The following BCO1 variants were observed in gnomAD, a reference collection of about 807,000 sequenced individuals.
The protein encoded by BCO1 is beta-carotene oxygenase 1.
BCO1 carries 54 observed loss-of-function variants against 56.3 expected under a neutral mutation model. The ratio of observed to expected loss-of-function variants is 0.96; its 90% CI spans 0.77 to 1.20. BCO1 has a LOEUF of 1.20. Ranked by LOEUF, BCO1 falls within the 50% of genes most tolerant of loss-of-function variation. The pLI, the probability that BCO1 is intolerant of heterozygous loss-of-function variation, is 0.00. For synonymous variants in BCO1, 318 were observed against 266.1 expected (o/e 1.20, Z -1.90); for missense variants, 801 against 690.9 (o/e 1.16, Z -1.79).
intron 8 of BCO1, among the ~76,000 whole-genome samples, chr16:81,282,687 C>G (rs1907952818): frequency 6.6e-6 from 1 of 150,662 alleles, no homozygotes; most frequent in Non-Finnish European, 1.5e-5. Flanking sequence ...TTTTTTTTTC[C>G]TGAGAAGACC....
intron 6 of BCO1, 133 bp downstream of exon 6, chr16:81,268,264 C>T (rs1342627999): frequency 1.2e-6 from 1 of 835,012 alleles, no homozygotes; most frequent in Admixed American, 2.0e-5. Flanking sequence ...ATCTACCCAC[C>T]TTCCAGCAAG....
intron 8 of BCO1, 150 bp from the exon 9 acceptor site, chr16:81,285,390 C>G (rs1318593392): frequency 1.5e-6 from 1 of 674,468 alleles, no homozygotes; most frequent in East Asian, 2.8e-5. Flanking sequence ...TGCCTTTGAC[C>G]ACCTTTGATC....
chr16:81,262,493 G>A, intron 4 of BCO1: 2 of 596,176 alleles, frequency 3.4e-6, no homozygotes, highest in South Asian at 1.8e-5. Context: ...TCAGTTTCCT[G>A]GGGCTGATGT....
At chr16:81,286,579 G>T (rs941401284) in intron 9 of BCO1, among the ~76,000 whole-genome samples, 1 of 152,154 alleles carries the variant, frequency 6.6e-6, no homozygotes, top group East Asian at 1.9e-4. Flanking sequence ...TTTTAGGCAG[G>T]GTGTGGTGGC....
At chr16:81,264,121 G>A (rs1328424697) in intron 4 of BCO1, 1 of 180,710 alleles carries the variant, frequency 5.5e-6, no homozygotes, top group Non-Finnish European at 1.2e-5. Flanking sequence ...AAATGTTTTT[G>A]TAACCTCTCC....
At chr16:81,272,000 G>A (rs551673350) in intron 7 of BCO1, among the ~76,000 whole-genome samples, 4 of 152,102 alleles carry the variant, frequency 2.6e-5, no homozygotes, top group Non-Finnish European at 5.9e-5. Context: ...GCCCCCCTAC[G>A]TCTCCCAAAG....
chr16:81,272,386 G>A (rs1300458915), intron 7 of BCO1, among the ~76,000 whole-genome samples: 1 of 152,092 alleles, frequency 6.6e-6, no homozygotes, highest in Non-Finnish European at 1.5e-5. Context: ...CCAAAGTGCT[G>A]GGATTACAGG....
chr16:81,262,175 C>A lies in BCO1; in HGVS notation c.363C>A (p.Thr121=), dbSNP rs35683292. Residue 121 remains threonine (T), a synonymous_variant, in exon 4 of 11, where the codon ACC becomes ACA. Coordinates refer to ENST00000258168, the MANE Select transcript of BCO1 (RefSeq NM_017429.3). ...TGTCTCACACCATCCCCGATTTCAC[C>A]GACAACTGCCTGATCAACATCATGA... The part of the protein sequence containing the change: ...SYLSHTIPDF[T]DNCLINIMKC... 81,342 of 1,613,826 alleles carry A rather than the reference C, an allele frequency of 0.05. 2,423 individuals carry two copies. Among genetic ancestry groups the A allele is most frequent in the Non-Finnish European group, 0.061 (71,427 of 1,179,832 alleles).
chr16:81,247,607 G>A (rs992448523), intron 2 of BCO1, among the ~76,000 whole-genome samples: 1 of 151,882 alleles, frequency 6.6e-6, no homozygotes, highest in Non-Finnish European at 1.5e-5. Context: ...GCTCACCACA[G>A]CCTCCACTTC....
intron 2 of BCO1, among the ~76,000 whole-genome samples, chr16:81,257,223 G>A (rs572683448): frequency 6.6e-6 from 1 of 152,186 alleles, no homozygotes; most frequent in South Asian, 2.1e-4. Context: ...CCTGCCCCAG[G>A]AGGAATCCAT....
intron 5 of BCO1, among the ~76,000 whole-genome samples, chr16:81,267,287 C>T (rs1906886626): frequency 6.6e-6 from 1 of 152,156 alleles, no homozygotes; most frequent in Non-Finnish European, 1.5e-5. Flanking sequence ...GGCCATTCTA[C>T]AGCCCCGCTT....
rs746352143 is a variant in BCO1 at position 81,264,589 on chromosome 16, A to G, written c.472-51A>G. ...AAAACCAGATGATGTCATATCTTGC[A>G]GGTTGATTATCGTAAATACTTTAAA... On this transcript the variant is annotated intron_variant, in intron 4 of 10. Transcript: ENST00000258168. The G allele has an allele frequency of 3.8e-6, 6 of 1,595,166 alleles. No individual in the cohort carries two copies. In the East Asian group the frequency reaches 1.3e-4, roughly 36 times the overall value.
chr16:81,255,784 A>T (rs1412775036), intron 2 of BCO1, among the ~76,000 whole-genome samples: 1 of 149,594 alleles, frequency 6.7e-6, no homozygotes, highest in Non-Finnish European at 1.5e-5. Context: ...GGATTATAGG[A>T]GTGAGCCACC....
rs1480840828 is a variant in BCO1 at position 81,238,889 on chromosome 16, C to G, written c.-20C>G. On this transcript the variant is annotated 5_prime_UTR_variant, in exon 1 of 11. The change creates a new upstream start codon in the 5' untranslated region. Coordinates refer to ENST00000258168, the MANE Select transcript of BCO1 (RefSeq NM_017429.3). ...GCACCTGTTTGCTGTTAAAATCGAT[C>G]TCCCTCGGCACCCTGAGCAATGGAT... 1 of 1,613,068 alleles carries G rather than the reference C, an allele frequency of 6.2e-7. No individual in the cohort carries two copies. The highest frequency in any genetic ancestry group is 1.3e-5 in the African/African-American group (1 of 74,886).
In BCO1 at chr16:81,264,747, G is replaced by T; in HGVS notation, c.579G>T (p.Lys193Asn). ...NMGTSIVEKG[K>N]TKYVIFKIPA... ...GCACATCCATTGTGGAAAAGGGGAA[G>T]ACAAAGTATGTGATTTTTAAGATCC... Residue 193 changes from lysine (K) to asparagine (N), a missense_variant, in exon 5 of 11, where the codon AAG becomes AAT. By Grantham distance (94) the Lys-to-Asn change is moderately conservative. Transcript: ENST00000258168. 1 of 1,614,208 alleles carries T rather than the reference G, an allele frequency of 6.2e-7. No homozygotes were observed. The highest frequency in any genetic ancestry group is 8.5e-7 in the Non-Finnish European group (1 of 1,180,048).
At chr16:81,274,292 C>G (rs1233363361) in intron 7 of BCO1, among the ~76,000 whole-genome samples, 4 of 117,898 alleles carry the variant, frequency 3.4e-5, no homozygotes, top group Non-Finnish European at 6.5e-5. Flanking sequence ...GAGACAGAGT[C>G]TCGCTCTGTC....
chr16:81,282,149 T>C (rs1907918810), intron 8 of BCO1, among the ~76,000 whole-genome samples: 1 of 152,038 alleles, frequency 6.6e-6, no homozygotes, highest in Admixed American at 6.6e-5. Flanking sequence ...GATGCTGAGG[T>C]GGGCAGATCA....
rs1324730047 is a variant in BCO1, at chr16:81,264,683, A to T, written c.515A>T (p.His172Leu). ...KYVAVNLATS[H>L]PHYDEAGNVL... ...GTGGCGGTAAATCTGGCAACGTCAC[A>T]TCCCCATTATGATGAGGCTGGAAAT... The change falls in exon 5 of 11, where the codon CAT becomes CTT. Residue 172 changes from histidine to leucine, a missense_variant. Coordinates refer to ENST00000258168, the MANE Select transcript of BCO1 (RefSeq NM_017429.3). The T allele has an allele frequency of 1.9e-6, 3 of 1,614,084 alleles. No homozygotes were observed. The highest frequency in any genetic ancestry group is 2.5e-6 in the Non-Finnish European group (3 of 1,180,022).
At chr16:81,252,336 T>C (rs892459777) in intron 2 of BCO1, among the ~76,000 whole-genome samples, 7 of 152,124 alleles carry the variant, frequency 4.6e-5, no homozygotes, top group African/African-American at 1.7e-4. Flanking sequence ...CTCAGCTCAC[T>C]GCAACCTCTA....
Sources: allele counts gnomAD v4.1 joint callset (sites outside exome capture counted in the v4.1 genomes callset), GRCh38; gene constraint gnomAD v4.1.1; transcripts MANE v1.5; gene names NCBI Gene and HGNC (gene_info 2026-07-23, HGNC 2026-07-21).